Variants in TRAK1 observed in about 807,000 individuals in gnomAD.
TRAK1 encodes the protein trafficking kinesin protein 1.
A neutral mutation model predicts 92.1 loss-of-function variants in TRAK1; 33 were observed. The ratio of observed to expected loss-of-function variants is 0.36; its 90% CI spans 0.27 to 0.48. The LOEUF (loss-of-function observed/expected upper bound fraction) is 0.48, where lower values mean the gene tolerates loss of function less well. Among genes scored for constraint, TRAK1 ranks in the 20% least tolerant of loss-of-function variants. The probability of loss-of-function intolerance (pLI) is 0.99; values close to 1 mark genes in which losing one functional copy is unlikely to be tolerated. For missense variants in TRAK1, 1,123 were observed against 1,257.9 expected (o/e 0.89, Z 1.62); for synonymous variants, 521 against 517.3 (o/e 1.01, Z -0.10).
intron 1 of TRAK1, among the ~76,000 whole-genome samples, chr3:42,074,351 C>A (rs1051123426): frequency 6.6e-6 from 1 of 152,208 alleles, no homozygotes; most frequent in African/African-American, 2.4e-5. Flanking sequence ...TTTAAAAGAG[C>A]ACATGTTGGT....
intron 1 of TRAK1, among the ~76,000 whole-genome samples, chr3:42,071,249 C>T (rs1478093910): frequency 6.6e-6 from 1 of 152,222 alleles, no homozygotes; most frequent in Non-Finnish European, 1.5e-5. Flanking sequence ...CCTCTCCTAC[C>T]CATGTCCCAT....
intron 2 of TRAK1, among the ~76,000 whole-genome samples, chr3:42,139,529 G>A (rs1416473450): frequency 6.6e-6 from 1 of 152,130 alleles, no homozygotes; most frequent in Non-Finnish European, 1.5e-5. Flanking sequence ...ACAGCACCAG[G>A]AGCCTTTCAC....
chr3:42,108,692 T>C (rs977503966), intron 1 of TRAK1, among the ~76,000 whole-genome samples: 2 of 151,936 alleles, frequency 1.3e-5, no homozygotes, highest in East Asian at 1.9e-4. Flanking sequence ...AGCTCTGTTC[T>C]AAATCACTAG....
intron 14 of TRAK1, among the ~76,000 whole-genome samples, chr3:42,214,104 C>G (rs1709391953): frequency 6.6e-6 from 1 of 152,160 alleles, no homozygotes; most frequent in African/African-American, 2.4e-5. Flanking sequence ...AGAACAAAGC[C>G]CACTTGTTGA....
At chr3:42,082,424 C>A (rs904819528), upstream of TRAK1, among the ~76,000 whole-genome samples, 1 of 134,506 alleles carries the variant, frequency 7.4e-6, no homozygotes, top group Non-Finnish European at 1.6e-5. Context: ...CATGGTGAAA[C>A]CCCGTCTTTA....
chr3:42,111,050 G>A (rs1432480447), intron 1 of TRAK1, among the ~76,000 whole-genome samples: 2 of 152,092 alleles, frequency 1.3e-5, no homozygotes, highest in Non-Finnish European at 2.9e-5. Context: ...GGGTAACTTA[G>A]CCCACCTATC....
At chr3:42,068,293 G>A (rs542173744) in intron 1 of TRAK1, among the ~76,000 whole-genome samples, 2 of 152,194 alleles carry the variant, frequency 1.3e-5, no homozygotes, top group Non-Finnish European at 2.9e-5. Context: ...CAAGTAGCTG[G>A]GACTACAGGT....
At chr3:42,028,252 A>G (rs1701993913) in intron 1 of TRAK1, among the ~76,000 whole-genome samples, 1 of 152,172 alleles carries the variant, frequency 6.6e-6, no homozygotes. Flanking sequence ...TGAGTGGTTT[A>G]TGTTTATTCC....
intron 1 of TRAK1, among the ~76,000 whole-genome samples, chr3:42,026,620 G>C (rs996347568): frequency 6.6e-6 from 1 of 151,538 alleles, no homozygotes; most frequent in Non-Finnish European, 1.5e-5. Flanking sequence ...TGCCTCCCAG[G>C]TTCAAGTGAT....
chr3:42,225,016 C>T lies in TRAK1; in HGVS notation c.*1279C>T, dbSNP rs1710663962. On this transcript the variant is annotated 3_prime_UTR_variant, in exon 16 of 16. Transcript: ENST00000327628. Reference sequence around the variant, plus strand: ...AGATCCAGGTGCTTGTGAAAAGAATCATGAATGCAACAAGGGAGGCTGGTC... The same window carrying T: ...AGATCCAGGTGCTTGTGAAAAGAATTATGAATGCAACAAGGGAGGCTGGTC... 1 of 152,204 alleles carries T rather than the reference C, an allele frequency of 6.6e-6. No individual in the cohort carries two copies. The highest frequency in any genetic ancestry group is 2.4e-5 in the African/African-American group (1 of 41,454). 9.4% of individuals were successfully genotyped at this position (152,204 alleles called of 1,614,324 possible). A position where few individuals can be genotyped will look rare whatever the true frequency, so the allele number is the denominator to read the frequency against.
At chr3:42,209,616 T>C in intron 13 of TRAK1, 151 bp from the exon 14 acceptor site, 1 of 715,750 alleles carries the variant, frequency 1.4e-6, no homozygotes, top group Non-Finnish European at 2.3e-6. Context: ...GCGGCTCCAC[T>C]GAAGTTCCCG....
chr3:42,055,547 C>T (rs1001732243), intron 1 of TRAK1, among the ~76,000 whole-genome samples: 4 of 152,188 alleles, frequency 2.6e-5, no homozygotes, highest in African/African-American at 7.2e-5. Flanking sequence ...ACTGCAGCCT[C>T]GACCTCCTGG....
At chr3:42,108,231 C>T (rs1707859621) in intron 1 of TRAK1, among the ~76,000 whole-genome samples, 3 of 152,098 alleles carry the variant, frequency 2.0e-5, no homozygotes, top group Admixed American at 6.6e-5. Flanking sequence ...TGGCTCAAGC[C>T]TGTAATCCCA....
intron 11 of TRAK1, 145 bp downstream of exon 11, chr3:42,199,398 A>G: frequency 1.4e-6 from 1 of 708,672 alleles, no homozygotes; most frequent in Non-Finnish European, 2.4e-6. Context: ...GAAATAATAG[A>G]ACACAGCTGA....
At chr3:42,143,235 A>G (rs1698894629) in intron 2 of TRAK1, among the ~76,000 whole-genome samples, 1 of 152,056 alleles carries the variant, frequency 6.6e-6, no homozygotes, top group Non-Finnish European at 1.5e-5. Context: ...TTCTTTAAAA[A>G]AAAAAAACTT....
At chr3:42,046,233 A>C (rs188327021) in intron 1 of TRAK1, among the ~76,000 whole-genome samples, 1 of 152,254 alleles carries the variant, frequency 6.6e-6, no homozygotes, top group East Asian at 1.9e-4. Flanking sequence ...CAGATTACCA[A>C]ATTTGGAACC....
Position 42,193,849 on chromosome 3 carries a change from T to C in TRAK1, c.926T>C (p.Val309Ala), listed in dbSNP as rs376442996. The C allele has an allele frequency of 1.9e-6, 3 of 1,614,082 alleles. No homozygotes were observed. The highest frequency in any genetic ancestry group is 2.7e-5 in the African/African-American group (2 of 74,928). Residue 309 changes from valine to alanine, a missense_variant, in exon 9 of 16, where the codon GTC (valine) becomes GCC (alanine). Val to Ala is a moderately conservative substitution (Grantham distance 64, BLOSUM62 0). Coordinates refer to ENST00000327628, the MANE Select transcript of TRAK1 (RefSeq NM_001042646.3). Reference sequence around the variant, plus strand: ...TGCGCAGTGGAAAATGAAGAACTTGTCCAGCATCTGGGGGCTGCTAAGGAT... The same window carrying C: ...TGCGCAGTGGAAAATGAAGAACTTGCCCAGCATCTGGGGGCTGCTAAGGAT... The part of the protein sequence containing the change: ...KACAVENEEL[V>A]QHLGAAKDAQ...
At chr3:42,074,622 C>T (rs1311344387) in intron 1 of TRAK1, among the ~76,000 whole-genome samples, 1 of 151,392 alleles carries the variant, frequency 6.6e-6, no homozygotes, top group Non-Finnish European at 1.5e-5. Context: ...AACATGCCTT[C>T]ATTTAATGTT....
chr3:42,183,553 T>TAAAAAAAAAAAAAAAAAA (rs11293523), intron 3 of TRAK1, among the ~76,000 whole-genome samples: 8 of 117,352 alleles, frequency 6.8e-5, no homozygotes, highest in African/African-American at 2.6e-4. Flanking sequence ...AGACTCTGTC[T>TAAAAAAAAAAAAAAAAAA]AAAAAAAAAA....
Sources: gnomAD v4.1 joint callset for allele counts (sites outside exome capture counted in the v4.1 genomes callset) on GRCh38, gnomAD v4.1.1 for gene constraint, MANE v1.5 for transcripts, NCBI Gene and HGNC (gene_info 2026-07-23, HGNC 2026-07-21) for gene names.